ATXN7: variants seen among roughly 807,000 people sequenced by gnomAD.
The protein encoded by ATXN7 is ataxin 7, also known as ataxin-7.
ATXN7 carries 12 observed loss-of-function variants against 70.5 expected under a neutral mutation model. The observed-to-expected ratio is 0.17, with a 90% CI of 0.11 to 0.28. ATXN7 has a LOEUF of 0.28. ATXN7 is among the 10% of genes least tolerant of loss of function. The pLI is 1.00. For missense variants in ATXN7, 1,256 were observed against 1,131.7 expected, an observed-to-expected ratio of 1.11 and a Z score of -1.58; for synonymous variants, 498 against 448.7, an observed-to-expected ratio of 1.11 and a Z score of -1.39.
chr3:63,976,963 G>T (rs992752350), intron 5 of ATXN7, among the ~76,000 whole-genome samples: 1 of 152,218 alleles, frequency 6.6e-6, no homozygotes, highest in Non-Finnish European at 1.5e-5. Context: ...GCATTTGCTT[G>T]TGGAAGGCGT....
At chr3:63,987,601 AAG>A (rs2075598390) in intron 8 of ATXN7, among the ~76,000 whole-genome samples, 1 of 152,186 alleles carries the variant, frequency 6.6e-6, no homozygotes, top group Non-Finnish European at 1.5e-5. Context: ...AAGTTACTAA[AAG>A]AACACTTTCT....
chr3:63,872,422 T>C lies in ATXN7; in HGVS notation c.-111+8264T>C, dbSNP rs539087747. Among the ~76,000 whole-genome samples, 7 of 152,268 alleles carry C rather than the reference T, an allele frequency of 4.6e-5. No individual in the cohort carries two copies. The South Asian group carries it at 8.3e-4, about 18-fold the overall frequency. ...TCTTAAGTCTTGAGTCAGAACTAGT[T>C]AGTCAAGCTGGGCTATCTCTCTGAG... On this transcript the variant is annotated intron_variant, in intron 1 of 12. Transcript: ENST00000674280.
intron 1 of ATXN7, among the ~76,000 whole-genome samples, chr3:63,882,426 C>T (rs572146140): frequency 5.3e-5 from 8 of 150,618 alleles, no homozygotes; most frequent in Admixed American, 4.6e-4. Context: ...TCTCTGTCAC[C>T]CAGGCTGGAG....
rs976320890 is a variant in ATXN7, at chr3:63,997,489, TTCTC to T, written c.2661+1010_2661+1013del. The T allele has an allele frequency of 2.4e-5, 17 of 702,522 alleles. No homozygotes were observed. In the Admixed American group the frequency reaches 4.6e-4, roughly 19 times the overall value. The allele number at this position is 702,522 out of a possible 1,614,324, so 43.5% of individuals were successfully genotyped here. ...GTGGGATTCATAATTAACCATGACT[TTCTC>T]TCTTAGGCTGTATTTTTGTCTCGTC... is the stretch of plus-strand genomic sequence containing the variant. On this transcript the variant is annotated intron_variant, in intron 12 of 12. Coordinates refer to ENST00000674280, the MANE Select transcript of ATXN7 (RefSeq NM_001377405.1).
At position 63,912,799 on chromosome 3, in the gene ATXN7, C is replaced by T. The variant is rs1319255049; in HGVS notation, c.201C>T (p.Ala67=). 6.4e-7 allele frequency: 1 copy of T among 1,550,994 alleles called. No homozygotes were observed. The change falls in exon 3 of 13, where the codon GCC becomes GCT. Residue 67 remains alanine, a synonymous_variant. Coordinates refer to ENST00000674280, the MANE Select transcript of ATXN7 (RefSeq NM_001377405.1). ...RTRPEDGGPG[A]ASTSAAAMAT... ...GGCCGGAGGACGGCGGGCCCGGCGC[C>T]GCCTCCACCTCGGCCGCCGCAATGG...
chr3:63,876,259 T>G (rs1483523348), intron 1 of ATXN7, among the ~76,000 whole-genome samples: 2 of 152,162 alleles, frequency 1.3e-5, no homozygotes, highest in East Asian at 1.9e-4. Flanking sequence ...TTTAGCATAC[T>G]GAACAGAAAG....
At chr3:63,900,005 G>A (rs1355954790) in intron 2 of ATXN7, among the ~76,000 whole-genome samples, 1 of 152,136 alleles carries the variant, frequency 6.6e-6, no homozygotes, top group Non-Finnish European at 1.5e-5. Flanking sequence ...GATGGTTTGA[G>A]CTCAAGAGCT....
At chr3:63,866,740 A>G (rs1702442704) in intron 1 of ATXN7, 1 of 152,248 alleles carries the variant, frequency 6.6e-6, no homozygotes, top group Admixed American at 6.5e-5. Context: ...ATCTTTTAGT[A>G]AACTTTACAA....
chr3:63,996,826 C>G (rs1398872547), intron 12 of ATXN7, among the ~76,000 whole-genome samples: 2 of 152,144 alleles, frequency 1.3e-5, no homozygotes, highest in Non-Finnish European at 2.9e-5. Context: ...AATGTGTTAT[C>G]CCAGTGCTGT....
intron 1 of ATXN7, among the ~76,000 whole-genome samples, chr3:63,888,511 G>A (rs954390477): frequency 6.6e-6 from 1 of 151,826 alleles, no homozygotes; most frequent in African/African-American, 2.4e-5. Context: ...GGGCGCAGTG[G>A]CTCATGCCTA....
chr3:63,939,789 G>C (rs923987882), intron 4 of ATXN7, among the ~76,000 whole-genome samples: 18 of 152,130 alleles, frequency 1.2e-4, no homozygotes, highest in African/African-American at 4.3e-4. Context: ...AGCCGTGAAA[G>C]CCAGCAGTCT....
intron 5 of ATXN7, among the ~76,000 whole-genome samples, chr3:63,957,959 C>T (rs1017980374): frequency 1.3e-5 from 2 of 151,968 alleles, no homozygotes; most frequent in African/African-American, 4.8e-5. Context: ...GACAAATACC[C>T]TTTGTCACCT....
At chr3:63,927,163 C>G (rs533093937) in intron 4 of ATXN7, among the ~76,000 whole-genome samples, 1 of 152,256 alleles carries the variant, frequency 6.6e-6, no homozygotes, top group South Asian at 2.1e-4. Context: ...ATTTATAATA[C>G]TTTGGGTATA....
chr3:63,913,355 A>T, intron 4 of ATXN7, 130 bp downstream of exon 4: 2 of 986,272 alleles, frequency 2.0e-6, no homozygotes, highest in Non-Finnish European at 3.0e-6. Flanking sequence ...ATGCTGCCTG[A>T]GGAGGGAGGG....
In ATXN7 at chr3:63,910,329, G is replaced by T. The variant is rs536649545; in HGVS notation, c.-11-2259G>T. ...CTGAAGAGCTGTACTCAACAAGCAA[G>T]CTCCCTTTGTTATCTATATGGCTTG... On this transcript the variant is annotated intron_variant, in intron 2 of 12. Transcript: ENST00000674280. 2.0e-5 allele frequency among the ~76,000 whole-genome samples: 3 copies of T among 152,266 alleles called. No individual in the cohort carries two copies. The South Asian group carries it at 6.2e-4, about 32-fold the overall frequency.
In ATXN7 at chr3:63,912,717, C is replaced by CGCCGCCTCCGCAGCCCCAGCG. The variant is rs2107296865; in HGVS notation, c.122_142dup (p.Pro41_Arg47dup). The CGCCGCCTCCGCAGCCCCAGCG allele has an allele frequency of 9.3e-7, 1 of 1,078,312 alleles. No homozygotes were observed. The highest frequency in any genetic ancestry group is 1.9e-5 in the African/African-American group (1 of 53,456). 66.8% of individuals were successfully genotyped at this position (1,078,312 alleles called of 1,614,324 possible). ...CAGCAGCAGCAGCAGCAGCAGCAGCCGCCGCCTCCGCAGCCCCAGCGGCAG... is the reference window on the plus strand; with the variant it reads ...CAGCAGCAGCAGCAGCAGCAGCAGCCGCCGCCTCCGCAGCCCCAGCGGCCGCCTCCGCAGCCCCAGCGGCAG... On this transcript the variant is annotated inframe_insertion, in exon 3 of 13. Transcript: ENST00000674280.
At position 63,912,895 on chromosome 3, in the gene ATXN7, T is replaced by G. The variant is rs1053336; in HGVS notation, c.297T>G (p.Val99=). 33 of 1,613,230 alleles carry G rather than the reference T, an allele frequency of 2.0e-5. No homozygotes were observed. The highest frequency in any genetic ancestry group is 2.7e-5 in the African/African-American group (2 of 74,890). The change falls in exon 3 of 13, where the codon GTT becomes GTG. Residue 99 remains valine, a synonymous_variant. Transcript: ENST00000674280. The stretch of plus-strand genomic sequence containing the variant: ...TGGGACAGTCGTGGAATCTGTGGGT[T>G]GAGGCTTCCAAACTTCCTGGGAAGG... ...VMLGQSWNLW[V]EASKLPGKDG...
intron 5 of ATXN7, among the ~76,000 whole-genome samples, chr3:63,972,901 G>C (rs1374928265): frequency 6.6e-6 from 1 of 152,146 alleles, no homozygotes; most frequent in African/African-American, 2.4e-5. Context: ...TGTTATTTGT[G>C]AGTACTTTTC....
In ATXN7 at chr3:63,988,221, A is replaced by G; in HGVS notation, c.1258A>G (p.Arg420Gly). ...PLRDPHPAPPRTSQEPHQNPH... is the reference protein window; with the variant it reads ...PLRDPHPAPPGTSQEPHQNPH... ...CAGGGACCCGCATCCCGCCCCTCCT[A>G]GAACGTCACAGGAGCCGCACCAAAA... The change falls in exon 9 of 13, where the codon AGA becomes GGA. Residue 420 changes from arginine to glycine, a missense_variant. Coordinates refer to ENST00000674280, the MANE Select transcript of ATXN7 (RefSeq NM_001377405.1). 2.5e-6 allele frequency: 4 copies of G among 1,614,044 alleles called. No homozygotes were observed. Among genetic ancestry groups the G allele is most frequent in the Non-Finnish European group, 3.4e-6 (4 of 1,179,982 alleles).
Sources: gnomAD v4.1 joint callset for allele counts (sites outside exome capture counted in the v4.1 genomes callset) on GRCh38, gnomAD v4.1.1 for gene constraint, MANE v1.5 for transcripts, NCBI Gene and HGNC (gene_info 2026-07-23, HGNC 2026-07-21) for gene names.